Variants in ZNF264 observed in about 807,000 individuals in gnomAD.
The protein encoded by ZNF264 is zinc finger protein 264.
ZNF264 carries 11 observed loss-of-function variants against 11.2 expected under a neutral mutation model. The observed-to-expected ratio is 0.98, with a 90% CI of 0.62 to 1.63. The LOEUF is 1.63. Ranked by LOEUF, ZNF264 falls within the 40% of genes most tolerant of loss-of-function variation. ZNF264 has a pLI of 0.00. For synonymous variants in ZNF264, 309 were observed against 279.8 expected, an observed-to-expected ratio of 1.10 and a Z score of -1.04; for missense variants, 752 against 768.1, an observed-to-expected ratio of 0.98 and a Z score of 0.25.
At chr19:57,210,526 G>T (rs753124454) in intron 3 of ZNF264, among the ~76,000 whole-genome samples, 1 of 152,196 alleles carries the variant, frequency 6.6e-6, no homozygotes, top group African/African-American at 2.4e-5. Context: ...TCAGGAACTC[G>T]CTGTGCCCCA....
intron 3 of ZNF264, among the ~76,000 whole-genome samples, chr19:57,206,337 G>A (rs1475829828): frequency 2.6e-5 from 4 of 151,966 alleles, no homozygotes; most frequent in South Asian, 2.1e-4. Flanking sequence ...TCCGCCTCCC[G>A]GGTTCACGCC....
At chr19:57,205,597 C>CTATATAACTCT (rs1279297332) in intron 3 of ZNF264, 105 bp downstream of exon 3, 1 of 958,454 alleles carries the variant, frequency 1.0e-6, no homozygotes, top group Non-Finnish European at 1.6e-6. Flanking sequence ...TGGCCTCTCT[C>CTATATAACTCT]TATATAACTC....
At chr19:57,204,175 G>A (rs566441124) in intron 2 of ZNF264, among the ~76,000 whole-genome samples, 98 of 146,560 alleles carry the variant, frequency 6.7e-4, no homozygotes, top group African/African-American at 2.3e-3. Context: ...GAGTTCACAC[G>A]CCACTGCACT....
At chr19:57,204,090 G>A (rs1160788539) in intron 2 of ZNF264, among the ~76,000 whole-genome samples, 1 of 152,032 alleles carries the variant, frequency 6.6e-6, no homozygotes, top group East Asian at 1.9e-4. Context: ...GGGAGGCTGA[G>A]GCAGGAGAAT....
At position 57,211,807 on chromosome 19, in the gene ZNF264, G is replaced by T. The variant is rs756556668; in HGVS notation, c.710G>T (p.Gly237Val). 1 of 1,614,182 alleles carries T rather than the reference G, an allele frequency of 6.2e-7. No individual in the cohort carries two copies. The highest frequency in any genetic ancestry group is 8.5e-7 in the Non-Finnish European group (1 of 1,180,032). ...GVKPYECTEC[G>V]KTFIKSTHLL... ...AAGCCCTATGAATGCACAGAATGTG[G>T]GAAAACCTTTATTAAGAGCACACAT... Residue 237 changes from glycine (G) to valine (V), a missense_variant, in exon 4 of 4, where the codon GGG (glycine) becomes GTG (valine). Coordinates refer to ENST00000263095, the MANE Select transcript of ZNF264 (RefSeq NM_003417.5).
At chr19:57,201,239 T>C (rs2087251232) in intron 2 of ZNF264, among the ~76,000 whole-genome samples, 1 of 148,672 alleles carries the variant, frequency 6.7e-6, no homozygotes, top group Admixed American at 6.6e-5. Flanking sequence ...TTTTTCGTTA[T>C]TTCTCTCTTT....
At chr19:57,194,511 G>A (rs2087198168) in intron 2 of ZNF264, among the ~76,000 whole-genome samples, 1 of 152,220 alleles carries the variant, frequency 6.6e-6, no homozygotes, top group South Asian at 2.1e-4. Flanking sequence ...ACAGTAGGCT[G>A]TCTGCAAGCT....
chr19:57,200,556 GTGTCTTGTCT>G lies in ZNF264; in HGVS notation c.161-4809_161-4800del, dbSNP rs71898528. ...CTTTGTCTCTTGTCTCTTGTGTCTT[GTGTCTTGTCT>G]TGTCTTGTCTTGTCTTGTCTTGTCT... On this transcript the variant is annotated intron_variant, in intron 2 of 3. Transcript: ENST00000263095. Among the ~76,000 whole-genome samples, 1,108 of 147,408 alleles carry G rather than the reference GTGTCTTGTCT, an allele frequency of 7.5e-3. 9 individuals carry two copies. The highest frequency in any genetic ancestry group is 0.012 in the Non-Finnish European group (791 of 66,286).
intron 1 of ZNF264, chr19:57,192,702 G>A (rs1379399570): frequency 1.1e-5 from 4 of 361,274 alleles, no homozygotes; most frequent in Non-Finnish European, 1.5e-5. Flanking sequence ...GGGTCAGTGA[G>A]GAATGCTGAG....
chr19:57,206,050 G>T (rs2087289726), intron 3 of ZNF264, among the ~76,000 whole-genome samples: 1 of 152,102 alleles, frequency 6.6e-6, no homozygotes, highest in South Asian at 2.1e-4. Context: ...AGAATTGAGG[G>T]AATAAGGGAA....
In ZNF264 at chr19:57,211,334, G is replaced by A. The variant is rs1174790853; in HGVS notation, c.257-20G>A. On this transcript the variant is annotated intron_variant, in intron 3 of 3. Coordinates refer to ENST00000263095, the MANE Select transcript of ZNF264 (RefSeq NM_003417.5). ...TTGTCCTTTACTAACAGGCCCTTTT[G>A]TGTGCTGGATTTCTTTCAGGCGACA... is the stretch of plus-strand genomic sequence containing the variant. 6.4e-7 allele frequency: 1 copy of A among 1,572,370 alleles called. No homozygotes were observed. The highest frequency in any genetic ancestry group is 8.6e-7 in the Non-Finnish European group (1 of 1,159,008).
intron 2 of ZNF264, among the ~76,000 whole-genome samples, chr19:57,202,892 G>A (rs1184074816): frequency 3.3e-5 from 5 of 149,496 alleles, no homozygotes; most frequent in East Asian, 1.9e-4. Flanking sequence ...CTGGAGTGCA[G>A]GGTGGGGCAG....
intron 2 of ZNF264, among the ~76,000 whole-genome samples, chr19:57,196,465 G>A (rs2087212375): frequency 6.6e-6 from 1 of 151,910 alleles, no homozygotes; most frequent in African/African-American, 2.4e-5. Flanking sequence ...GTTCCATATT[G>A]AGGGCTCAGT....
rs1412516081 is a variant in ZNF264, at chr19:57,212,974, C to G, written c.1877C>G (p.Ser626Ter). ...CAAAGAGAAACCCCACAAGTGTCTT[C>G]ACTGTGAGAAAACCTTCTGTTGCTG... ...PYQRETPQVS[S>*]L is the part of the protein sequence containing the mutation. Residue 626 changes from serine (S) to a stop codon, truncating the protein, a stop_gained, in exon 4 of 4, where the codon TCA becomes TGA. Transcript: ENST00000263095. LOFTEE classifies it high-confidence loss of function. 6 of 1,602,910 alleles carry G rather than the reference C, an allele frequency of 3.7e-6. No individual in the cohort carries two copies. Among genetic ancestry groups the G allele is most frequent in the Non-Finnish European group, 5.1e-6 (6 of 1,173,504 alleles).
In ZNF264 at chr19:57,212,792, T is replaced by G. The variant is rs147074472; in HGVS notation, c.1695T>G (p.Asn565Lys). 11 of 1,613,848 alleles carry G rather than the reference T, an allele frequency of 6.8e-6. No homozygotes were observed. The highest frequency in any genetic ancestry group is 8.5e-6 in the Non-Finnish European group (10 of 1,179,906). The change falls in exon 4 of 4, where the codon AAT becomes AAG. Residue 565 changes from asparagine to lysine, a missense_variant. By Grantham distance (94) the Asn-to-Lys change is moderately conservative (BLOSUM62 0). Coordinates refer to ENST00000263095, the MANE Select transcript of ZNF264 (RefSeq NM_003417.5). ...ATCAAAGGATGCATACTGGGAAAAA[T>G]CCCATCAGTGTAACAGATGTGGGAA... ...TQHQRMHTGK[N>K]PISVTDVGRP...
chr19:57,211,687 AG>A lies in ZNF264; in HGVS notation c.592del (p.Glu198LysfsTer54), dbSNP rs1266905240. On this transcript the variant is annotated frameshift_variant, in exon 4 of 4. Transcript: ENST00000263095. LOFTEE classifies it low-confidence loss of function (END_TRUNC). ...GAGTCAGGTAAAGATCCCATGATTCAGGAAGAGGAAAATAACTTTAAATGCA... is the reference window on the plus strand; with the variant it reads ...GAGTCAGGTAAAGATCCCATGATTCAGAAGAGGAAAATAACTTTAAATGCA... ...SCESGKDPMI[Q>X]EEENNFKCSE... is the part of the protein sequence containing the mutation. 1.2e-6 allele frequency: 2 copies of A among 1,614,046 alleles called. No homozygotes were observed. The highest frequency in any genetic ancestry group is 2.7e-5 in the African/African-American group (2 of 74,934).
At chr19:57,193,781 C>T (rs971960422) in intron 1 of ZNF264, 94 bp from the exon 2 acceptor site, 38 of 1,531,554 alleles carry the variant, frequency 2.5e-5, no homozygotes, top group Admixed American at 2.2e-4. Flanking sequence ...TGATTCAGGC[C>T]GCCATCACTG....
chr19:57,192,527 G>A lies in ZNF264; in HGVS notation c.33+581G>A, dbSNP rs567489365. The stretch of plus-strand genomic sequence containing the variant: ...GGCCCCAAAGTATCCTGGCGTCAGA[G>A]ACAAGTTCTGTCGGAACCCAGTAAG... On this transcript the variant is annotated intron_variant, in intron 1 of 3. Coordinates refer to ENST00000263095, the MANE Select transcript of ZNF264 (RefSeq NM_003417.5). 56 of 985,402 alleles carry A rather than the reference G, an allele frequency of 5.7e-5. 1 individual carries two copies. The South Asian group carries it at 2.3e-3, about 41-fold the overall frequency. The allele number at this position is 985,402 out of a possible 1,614,324, so 61.0% of individuals were successfully genotyped here. A position where few individuals can be genotyped will look rare whatever the true frequency, so the allele number is the denominator to read the frequency against.
At chr19:57,205,589 G>A in intron 3 of ZNF264, 97 bp downstream of exon 3, 1 of 1,090,876 alleles carries the variant, frequency 9.2e-7, no homozygotes, top group Non-Finnish European at 1.4e-6. Context: ...TCTCATTGTG[G>A]CCTCTCTCTA....
Sources: allele counts gnomAD v4.1 joint callset (sites outside exome capture counted in the v4.1 genomes callset), GRCh38; gene constraint gnomAD v4.1.1; transcripts MANE v1.5; gene names NCBI Gene and HGNC (gene_info 2026-07-23, HGNC 2026-07-21).